Variants in PTPN13 observed in about 807,000 individuals in gnomAD.
PTPN13 encodes the protein protein tyrosine phosphatase non-receptor type 13, also known as tyrosine-protein phosphatase non-receptor type 13.
Under a neutral mutation model 284.0 loss-of-function variants are expected in PTPN13, and 191 were observed. That is an observed-to-expected ratio of 0.67 (90% CI 0.60 to 0.76). PTPN13 has a LOEUF of 0.76. Ranked by LOEUF, PTPN13 falls within the 30% of genes least tolerant of loss-of-function variation. PTPN13 has a pLI of 0.00. For synonymous variants in PTPN13, 986 were observed against 1,022.3 expected (o/e 0.96, Z 0.68); for missense variants, 2,797 against 2,939.9 (o/e 0.95, Z 1.12).
intron 2 of PTPN13, among the ~76,000 whole-genome samples, chr4:86,646,697 A>G (rs551116061): frequency 6.6e-6 from 1 of 152,348 alleles, no homozygotes; most frequent in South Asian, 2.1e-4. Context: ...TATACCTGCC[A>G]TATACACTCC....
At chr4:86,704,425 T>A (rs1006237422) in intron 7 of PTPN13, among the ~76,000 whole-genome samples, 5 of 152,194 alleles carry the variant, frequency 3.3e-5, no homozygotes, top group Non-Finnish European at 5.9e-5. Context: ...TGTTTTTCAT[T>A]ACCAATAACA....
chr4:86,662,313 A>T (rs1726588732), intron 2 of PTPN13, among the ~76,000 whole-genome samples: 1 of 152,110 alleles, frequency 6.6e-6, no homozygotes, highest in Non-Finnish European at 1.5e-5. Context: ...TATGATTGTT[A>T]TATTTTTATT....
intron 10 of PTPN13, among the ~76,000 whole-genome samples, chr4:86,723,893 C>T (rs1440886467): frequency 6.6e-6 from 1 of 152,084 alleles, no homozygotes; most frequent in African/African-American, 2.4e-5. Flanking sequence ...TTACCCTATA[C>T]TGTTTTCATT....
chr4:86,595,311 C>G (rs1763548185), intron 1 of PTPN13, among the ~76,000 whole-genome samples: 1 of 151,910 alleles, frequency 6.6e-6, no homozygotes, highest in Admixed American at 6.6e-5. Flanking sequence ...GAGGGAGAGA[C>G]ACTGTCTGAT....
chr4:86,597,397 C>A (rs1578222524), intron 1 of PTPN13, among the ~76,000 whole-genome samples: 1 of 151,964 alleles, frequency 6.6e-6, no homozygotes, highest in East Asian at 1.9e-4. Context: ...AACACCACAC[C>A]TAGCTAATTT....
intron 31 of PTPN13, among the ~76,000 whole-genome samples, chr4:86,772,476 C>T (rs1478618175): frequency 1.3e-5 from 2 of 151,968 alleles, no homozygotes; most frequent in Admixed American, 1.3e-4. Flanking sequence ...ATCACTTGAT[C>T]CTGGGAGGCA....
rs543530685 is a variant in PTPN13 at position 86,740,097 on chromosome 4, G to A, written c.2305-1537G>A. Among the ~76,000 whole-genome samples, 8 of 152,310 alleles carry A rather than the reference G, an allele frequency of 5.3e-5. No homozygotes were observed. In the South Asian group the frequency reaches 1.5e-3, roughly 28 times the overall value. On this transcript the variant is annotated intron_variant, in intron 15 of 47. Coordinates refer to ENST00000411767, the MANE Select transcript of PTPN13 (RefSeq NM_080683.3). ...TTGAGTATCTGTGGCTTTTCCAGGT[G>A]CATGGTGCAAGCTGTCGTTGGATCT...
intron 15 of PTPN13, among the ~76,000 whole-genome samples, chr4:86,736,709 A>C (rs1053594951): frequency 1.3e-5 from 2 of 152,208 alleles, no homozygotes; most frequent in African/African-American, 4.8e-5. Flanking sequence ...CACAGTGAAA[A>C]GAATTTGCAT....
At chr4:86,665,077 G>A (rs893453754) in intron 2 of PTPN13, among the ~76,000 whole-genome samples, 1 of 152,108 alleles carries the variant, frequency 6.6e-6, no homozygotes, top group African/African-American at 2.4e-5. Flanking sequence ...TATATCACTT[G>A]TTTCATTAGT....
At chr4:86,654,349 C>T (rs192134870) in intron 2 of PTPN13, among the ~76,000 whole-genome samples, 195 of 152,292 alleles carry the variant, frequency 1.3e-3, no homozygotes, top group African/African-American at 4.5e-3. Context: ...GATATCACCA[C>T]TGATCCCACA....
chr4:86,644,838 A>C (rs1305142794), intron 2 of PTPN13, among the ~76,000 whole-genome samples: 1 of 152,204 alleles, frequency 6.6e-6, no homozygotes, highest in African/African-American at 2.4e-5. Context: ...TGACTAAAAA[A>C]GAAAACTATA....
chr4:86,595,684 C>CT, intron 1 of PTPN13: 1 of 940,978 alleles, frequency 1.1e-6, no homozygotes, highest in Non-Finnish European at 1.3e-6. Context: ...AGGGAGCTGC[C>CT]TGGAGCTGAG....
intron 1 of PTPN13, among the ~76,000 whole-genome samples, chr4:86,623,261 G>C (rs906572923): frequency 1.3e-5 from 2 of 152,100 alleles, no homozygotes; most frequent in Non-Finnish European, 2.9e-5. Flanking sequence ...CCAGTTCTCA[G>C]AGAGAGACCA....
chr4:86,794,032 A>C (rs1743010767), intron 40 of PTPN13, among the ~76,000 whole-genome samples: 1 of 152,190 alleles, frequency 6.6e-6, no homozygotes, highest in African/African-American at 2.4e-5. Flanking sequence ...AGACACAAAA[A>C]ACCATTCAAA....
At chr4:86,734,222 C>A in intron 12 of PTPN13, 81 bp from the exon 13 acceptor site, 2 of 1,151,022 alleles carry the variant, frequency 1.7e-6, no homozygotes, top group Non-Finnish European at 2.4e-6. Context: ...TTATGCAAGT[C>A]TGACCAAAAA....
In PTPN13 at chr4:86,750,706, C is replaced by T; in HGVS notation, c.2887C>T (p.Pro963Ser). 1 of 1,613,772 alleles carries T rather than the reference C, an allele frequency of 6.2e-7. No homozygotes were observed. Among genetic ancestry groups the T allele is most frequent in the South Asian group, 1.1e-5 (1 of 91,036 alleles). The change falls in exon 18 of 48, where the codon CCT becomes TCT. Residue 963 changes from proline (P) to serine (S), a missense_variant. Transcript: ENST00000411767. ...TGACAAAGCTTCATGGGAGGAAAAG[C>T]CTAGAGAGATGAGTAAATCATACCA... Reference protein sequence around the residue: ...KNDKASWEEKPREMSKSYHDL... With the variant: ...KNDKASWEEKSREMSKSYHDL...
chr4:86,718,023 A>T (rs956198427), intron 9 of PTPN13, among the ~76,000 whole-genome samples: 2 of 152,142 alleles, frequency 1.3e-5, no homozygotes, highest in African/African-American at 4.8e-5. Flanking sequence ...GGATGGTGGT[A>T]TTATAGCTGT....
intron 1 of PTPN13, among the ~76,000 whole-genome samples, chr4:86,609,245 T>C (rs1487464613): frequency 6.6e-6 from 1 of 152,196 alleles, no homozygotes; most frequent in Non-Finnish European, 1.5e-5. Context: ...GTAATTCTTT[T>C]ATTAAGTAAA....
intron 4 of PTPN13, among the ~76,000 whole-genome samples, chr4:86,688,673 G>A (rs1247466457): frequency 6.6e-6 from 1 of 152,074 alleles, no homozygotes; most frequent in Admixed American, 6.6e-5. Context: ...CAAATGGTGT[G>A]TATGTTTGTG....
Sources: allele counts gnomAD v4.1 joint callset (sites outside exome capture counted in the v4.1 genomes callset), GRCh38; gene constraint gnomAD v4.1.1; transcripts MANE v1.5; gene names NCBI Gene and HGNC (gene_info 2026-07-23, HGNC 2026-07-21).